CSMD3: variants seen among roughly 807,000 people sequenced by gnomAD.
CSMD3 encodes the protein CUB and Sushi multiple domains 3, also known as CUB and sushi domain-containing protein 3.
A neutral mutation model predicts 435.2 loss-of-function variants in CSMD3; 177 were observed. The observed-to-expected ratio is 0.41, with a 90% CI of 0.36 to 0.46. The LOEUF is 0.46. CSMD3 is among the 20% of genes least tolerant of loss of function. The pLI, the probability that CSMD3 is intolerant of heterozygous loss-of-function variation, is 0.34. For missense variants in CSMD3, 4,265 were observed against 4,504.6 expected, an observed-to-expected ratio of 0.95 and a Z score of 1.52; for synonymous variants, 1,656 against 1,520.5, an observed-to-expected ratio of 1.09 and a Z score of -2.07.
chr8:112,952,199 C>T (rs2083841870), intron 8 of CSMD3, among the ~76,000 whole-genome samples: 3 of 151,092 alleles, frequency 2.0e-5, no homozygotes, highest in Admixed American at 2.0e-4. Flanking sequence ...CAAACTCTGC[C>T]CATGAACACT....
At chr8:112,455,665 T>C (rs1416303582) in intron 32 of CSMD3, among the ~76,000 whole-genome samples, 1 of 151,754 alleles carries the variant, frequency 6.6e-6, no homozygotes. Flanking sequence ...TCAGGGAAAT[T>C]TACAGTGAAA....
intron 13 of CSMD3, among the ~76,000 whole-genome samples, chr8:112,743,296 CAA>C (rs372456900): frequency 2.4e-4 from 34 of 141,216 alleles, no homozygotes; most frequent in African/African-American, 8.0e-4. Context: ...ACATTCTCAC[CAA>C]AAAAAAAAAA....
chr8:112,272,291 G>A (rs1176671238), intron 59 of CSMD3, among the ~76,000 whole-genome samples: 1 of 152,134 alleles, frequency 6.6e-6, no homozygotes, highest in Non-Finnish European at 1.5e-5. Flanking sequence ...GGAAAGTTCA[G>A]CTACTTCAAA....
At chr8:112,833,180 AT>A (rs2079926398) in intron 11 of CSMD3, among the ~76,000 whole-genome samples, 1 of 152,104 alleles carries the variant, frequency 6.6e-6, no homozygotes, top group African/African-American at 2.4e-5. Flanking sequence ...AACTTGTAAA[AT>A]TCTTCAAAAA....
chr8:112,515,022 T>C (rs953405007), intron 28 of CSMD3, among the ~76,000 whole-genome samples: 1 of 152,058 alleles, frequency 6.6e-6, no homozygotes, highest in Non-Finnish European at 1.5e-5. Flanking sequence ...ACAACCTGCT[T>C]AACTTAAGTA....
chr8:112,454,645 T>C (rs924486872), intron 32 of CSMD3, among the ~76,000 whole-genome samples: 1 of 152,146 alleles, frequency 6.6e-6, no homozygotes, highest in Non-Finnish European at 1.5e-5. Context: ...TTGGTGGGAA[T>C]GTAAATTAGG....
rs775140696 is a variant in CSMD3, at chr8:112,337,772, T to C, written c.6653-41A>G. On this transcript the variant is annotated intron_variant, in intron 42 of 70. Transcript: ENST00000297405. ...AGAAAGACATTTTTTCTTTCCAAAT[T>C]TCAGAGGCCACAGATAGGGTACTAC... 4 of 1,530,140 alleles carry C rather than the reference T, an allele frequency of 2.6e-6. No individual in the cohort carries two copies. The African/African-American group carries it at 5.5e-5, about 21-fold the overall frequency. 94.8% of individuals were successfully genotyped at this position (1,530,140 alleles called of 1,614,324 possible).
intron 13 of CSMD3, among the ~76,000 whole-genome samples, chr8:112,752,013 C>T (rs1372966059): frequency 6.6e-6 from 1 of 152,016 alleles, no homozygotes; most frequent in Non-Finnish European, 1.5e-5. Context: ...CTCTTCCATT[C>T]GCCCTTAAAA....
Position 112,343,003 on chromosome 8 carries a change from A to T in CSMD3, c.6443-1317T>A, listed in dbSNP as rs796737006. On this transcript the variant is annotated intron_variant, in intron 41 of 70. Coordinates refer to ENST00000297405, the MANE Select transcript of CSMD3 (RefSeq NM_198123.2). ...TATATATATTTATATATATATATTT[A>T]TATATATATATATTTATATATATAT... Among the ~76,000 whole-genome samples, 752 of 120,814 alleles carry T rather than the reference A, an allele frequency of 6.2e-3. 13 individuals are homozygous for T. The highest frequency in any genetic ancestry group is 0.021 in the African/African-American group (721 of 34,022). The allele number at this position is 120,814 out of a possible 152,430, so 79.3% of individuals were successfully genotyped here. A position where few individuals can be genotyped will look rare whatever the true frequency, so the allele number is the denominator to read the frequency against.
At chr8:113,040,501 G>T (rs1010249943) in intron 5 of CSMD3, among the ~76,000 whole-genome samples, 1 of 152,198 alleles carries the variant, frequency 6.6e-6, no homozygotes, top group Admixed American at 6.5e-5. Flanking sequence ...TCTGGGAATA[G>T]AATTGATGGC....
intron 13 of CSMD3, among the ~76,000 whole-genome samples, chr8:112,700,478 G>A (rs1393999518): frequency 6.6e-6 from 1 of 152,074 alleles, no homozygotes; most frequent in Non-Finnish European, 1.5e-5. Context: ...TCCAGCCTGG[G>A]CAACAAAAGC....
chr8:113,084,048 A>C (rs1006783675), intron 5 of CSMD3, among the ~76,000 whole-genome samples: 1 of 152,218 alleles, frequency 6.6e-6, no homozygotes, highest in African/African-American at 2.4e-5. Flanking sequence ...ACAAGACACA[A>C]GTATATGTAG....
At chr8:113,030,361 T>C (rs976257023) in intron 5 of CSMD3, among the ~76,000 whole-genome samples, 13 of 133,992 alleles carry the variant, frequency 9.7e-5, no homozygotes, top group Admixed American at 8.4e-5. Context: ...TGCATAACAC[T>C]ACCTGATTTC....
intron 3 of CSMD3, among the ~76,000 whole-genome samples, chr8:113,174,545 G>T (rs1299471453): frequency 1.3e-5 from 2 of 151,934 alleles, no homozygotes; most frequent in East Asian, 3.9e-4. Flanking sequence ...TATGGAAAAT[G>T]ATATATCAGA....
intron 1 of CSMD3, among the ~76,000 whole-genome samples, chr8:113,325,794 T>A (rs906521238): frequency 3.9e-5 from 6 of 152,108 alleles, no homozygotes; most frequent in African/African-American, 1.4e-4. Flanking sequence ...GTTTCCTAAG[T>A]GAATGTGTCA....
At chr8:113,142,090 A>C (rs888744113) in intron 4 of CSMD3, among the ~76,000 whole-genome samples, 2 of 151,192 alleles carry the variant, frequency 1.3e-5, no homozygotes, top group Admixed American at 1.3e-4. Flanking sequence ...TGTATCCCCC[A>C]AAATTATAAA....
chr8:113,058,807 T>C (rs946854497), intron 5 of CSMD3, among the ~76,000 whole-genome samples: 1 of 151,796 alleles, frequency 6.6e-6, no homozygotes, highest in Non-Finnish European at 1.5e-5. Flanking sequence ...AGAGCCAAAA[T>C]TTTATTTTTT....
intron 13 of CSMD3, among the ~76,000 whole-genome samples, chr8:112,715,989 G>C (rs2076717391): frequency 6.6e-6 from 1 of 152,166 alleles, no homozygotes; most frequent in Non-Finnish European, 1.5e-5. Flanking sequence ...GCAAAAGCTG[G>C]AATCATTCCC....
At chr8:112,260,932 A>G (rs1182865223) in intron 61 of CSMD3, among the ~76,000 whole-genome samples, 2 of 152,118 alleles carry the variant, frequency 1.3e-5, no homozygotes, top group African/African-American at 4.8e-5. Context: ...GAATAAAACT[A>G]CACTTGTACC....
Sources: gnomAD v4.1 joint callset for allele counts (sites outside exome capture counted in the v4.1 genomes callset) on GRCh38, gnomAD v4.1.1 for gene constraint, MANE v1.5 for transcripts, NCBI Gene and HGNC (gene_info 2026-07-23, HGNC 2026-07-21) for gene names.